Variants in ETFA observed in about 807,000 individuals in gnomAD.
The protein encoded by ETFA is electron transfer flavoprotein subunit alpha.
A neutral mutation model predicts 46.2 loss-of-function variants in ETFA; 22 were observed. That is an observed-to-expected ratio of 0.48 (90% CI 0.34 to 0.68). ETFA has a LOEUF of 0.68. ETFA is among the 30% of genes least tolerant of loss of function. The probability of loss-of-function intolerance (pLI) is 0.01; values close to 1 mark genes in which losing one functional copy is unlikely to be tolerated. For synonymous variants in ETFA, 131 were observed against 139.9 expected (o/e 0.94, Z 0.45); for missense variants, 345 against 401.1 (o/e 0.86, Z 1.19).
At chr15:76,244,436 T>G (rs887870659) in intron 9 of ETFA, among the ~76,000 whole-genome samples, 2 of 152,166 alleles carry the variant, frequency 1.3e-5, no homozygotes, top group Non-Finnish European at 1.5e-5. Context: ...CAGACTAAGT[T>G]TGGTTAATAT....
intron 9 of ETFA, chr15:76,259,966 G>C: frequency 2.1e-6 from 3 of 1,428,732 alleles, no homozygotes; most frequent in Non-Finnish European, 3.0e-6. Flanking sequence ...AACAAGTTTG[G>C]CCACATGTGG....
intron 9 of ETFA, among the ~76,000 whole-genome samples, chr15:76,247,507 A>C (rs988704569): frequency 2.6e-5 from 4 of 152,142 alleles, no homozygotes; most frequent in African/African-American, 9.7e-5. Flanking sequence ...CTTTCCATAC[A>C]TTTTGACTCA....
At chr15:76,261,319 G>C (rs893135333) in intron 9 of ETFA, 1 of 1,485,418 alleles carries the variant, frequency 6.7e-7, no homozygotes, top group African/African-American at 1.4e-5. Flanking sequence ...GAGCCACACT[G>C]GCTGGGAGAT....
chr15:76,260,633 A>G (rs78958410), intron 9 of ETFA: 325,011 of 1,505,192 alleles, frequency 0.22, 146 homozygotes, highest in Non-Finnish European at 0.25. Context: ...AGGACAGTTT[A>G]TAGGGTCCCA....
At chr15:76,217,225 T>C (rs1567193021) in intron 11 of ETFA, among the ~76,000 whole-genome samples, 1 of 152,268 alleles carries the variant, frequency 6.6e-6, no homozygotes, top group Admixed American at 6.5e-5. Flanking sequence ...TACCTTCATG[T>C]TTTGCTTGGC....
chr15:76,282,536 T>C (rs929413638), intron 8 of ETFA, among the ~76,000 whole-genome samples: 11 of 152,226 alleles, frequency 7.2e-5, no homozygotes, highest in African/African-American at 2.4e-4. Flanking sequence ...AGACACTTGA[T>C]AAATACTTGT....
intron 11 of ETFA, among the ~76,000 whole-genome samples, chr15:76,220,866 A>C (rs972927148): frequency 6.6e-6 from 1 of 152,228 alleles, no homozygotes; most frequent in Non-Finnish European, 1.5e-5. Flanking sequence ...GAGCCCTCAC[A>C]AATTTTTGGT....
chr15:76,269,148 G>A (rs143303443), intron 9 of ETFA, among the ~76,000 whole-genome samples: 140 of 152,234 alleles, frequency 9.2e-4, no homozygotes, highest in African/African-American at 2.9e-3. Flanking sequence ...CTGCAGATGC[G>A]GAAGCCACCG....
At chr15:76,290,333 C>CATTTTT (rs2039748081) in intron 4 of ETFA, among the ~76,000 whole-genome samples, 1 of 97,142 alleles carries the variant, frequency 1.0e-5, no homozygotes, top group South Asian at 3.6e-4. Flanking sequence ...AGTCGCTACT[C>CATTTTT]TTTTTTTTTT....
At chr15:76,267,139 A>G (rs1421896741) in intron 9 of ETFA, among the ~76,000 whole-genome samples, 2 of 152,210 alleles carry the variant, frequency 1.3e-5, no homozygotes, top group African/African-American at 4.8e-5. Context: ...GCACAAGTAG[A>G]ACGAATTAAT....
intron 9 of ETFA, chr15:76,258,855 GCA>G (rs1427946756): frequency 1.5e-6 from 1 of 660,874 alleles, no homozygotes; most frequent in African/African-American, 1.8e-5. Context: ...AGGCTTCCCA[GCA>G]CAGCTTGGGA....
intron 9 of ETFA, chr15:76,259,394 C>A: frequency 2.9e-6 from 4 of 1,398,578 alleles, no homozygotes; most frequent in Non-Finnish European, 4.1e-6. Context: ...CGTCTGAAGG[C>A]CTAAGGAGAC....
At chr15:76,306,650 T>C (rs1405980128) in intron 1 of ETFA, among the ~76,000 whole-genome samples, 1 of 152,170 alleles carries the variant, frequency 6.6e-6, no homozygotes, top group Admixed American at 6.5e-5. Flanking sequence ...GGATAATATA[T>C]AAAGTCACCT....
intron 8 of ETFA, 74 bp downstream of exon 8, chr15:76,283,683 C>CA (rs2039676999): frequency 9.2e-7 from 1 of 1,082,258 alleles, no homozygotes; most frequent in African/African-American, 1.6e-5. Context: ...AAGACTTACA[C>CA]AAAAATGAAA....
chr15:76,232,102 C>T (rs2039074191), intron 9 of ETFA, among the ~76,000 whole-genome samples: 1 of 152,102 alleles, frequency 6.6e-6, no homozygotes, highest in Admixed American at 6.5e-5. Context: ...AAAAGGCCTC[C>T]ATACCACAGT....
At chr15:76,264,981 T>G (rs752148134) in intron 9 of ETFA, among the ~76,000 whole-genome samples, 1 of 152,222 alleles carries the variant, frequency 6.6e-6, no homozygotes, top group Non-Finnish European at 1.5e-5. Context: ...GGACAACCTC[T>G]TTCAGGAAAT....
At chr15:76,295,456 G>A in intron 2 of ETFA, 135 bp downstream of exon 2, 1 of 786,838 alleles carries the variant, frequency 1.3e-6, no homozygotes, top group South Asian at 1.4e-5. Flanking sequence ...CATGGTAATG[G>A]TTGTGACACT....
At chr15:76,300,310 C>T (rs1022744984) in intron 1 of ETFA, among the ~76,000 whole-genome samples, 4 of 152,134 alleles carry the variant, frequency 2.6e-5, no homozygotes, top group Admixed American at 1.3e-4. Context: ...AACTTTAACT[C>T]ATGTTTTCCC....
chr15:76,294,924 C>A (rs1482959361), intron 2 of ETFA, among the ~76,000 whole-genome samples: 1 of 152,184 alleles, frequency 6.6e-6, no homozygotes, highest in African/African-American at 2.4e-5. Flanking sequence ...GAAGTTTAAG[C>A]CCCCAACTAC....
Sources: allele counts gnomAD v4.1 joint callset (sites outside exome capture counted in the v4.1 genomes callset), GRCh38; gene constraint gnomAD v4.1.1; transcripts MANE v1.5; gene names NCBI Gene and HGNC (gene_info 2026-07-23, HGNC 2026-07-21).